Variants in UVSSA observed in about 807,000 individuals in gnomAD.
UVSSA encodes UV stimulated scaffold protein A, also known as UV-stimulated scaffold protein A.
A neutral mutation model predicts 73.9 loss-of-function variants in UVSSA; 72 were observed. The observed-to-expected ratio is 0.97, with a 90% CI of 0.81 to 1.19. UVSSA has a LOEUF of 1.19. Among genes scored for constraint, UVSSA ranks in the 50% most tolerant of loss-of-function variants. UVSSA has a pLI of 0.00. For missense variants in UVSSA, 1,150 were observed against 965.0 expected (o/e 1.19, Z -2.54); for synonymous variants, 454 against 391.3 (o/e 1.16, Z -1.89).
In UVSSA at chr4:1,386,055, C is replaced by A; in HGVS notation, c.*94C>A. 1.6e-6 allele frequency: 2 copies of A among 1,271,226 alleles called. No individual in the cohort carries two copies. The highest frequency in any genetic ancestry group is 2.3e-6 in the Non-Finnish European group (2 of 876,034). The allele number at this position is 1,271,226 out of a possible 1,614,324, so 78.7% of individuals were successfully genotyped here. ...GGCGTGGGTCTGGGCAGTAACCATG[C>A]TTTGTCTATTACTGTGTTTGATGTA... is the stretch of plus-strand genomic sequence containing the variant. On this transcript the variant is annotated 3_prime_UTR_variant, in exon 14 of 14. Coordinates refer to ENST00000389851, the MANE Select transcript of UVSSA (RefSeq NM_020894.4).
At chr4:1,354,261 A>G (rs1715293755) in intron 5 of UVSSA, among the ~76,000 whole-genome samples, 1 of 151,956 alleles carries the variant, frequency 6.6e-6, no homozygotes, top group African/African-American at 2.4e-5. Context: ...CCTGCGCCGG[A>G]CACTGAGGGT....
At chr4:1,352,946 A>C in intron 4 of UVSSA, 84 bp from the exon 5 acceptor site, 2 of 1,514,200 alleles carry the variant, frequency 1.3e-6, no homozygotes, top group South Asian at 2.6e-5. Flanking sequence ...CCCTGCGGGG[A>C]GTGGGCCTCT....
intron 7 of UVSSA, among the ~76,000 whole-genome samples, chr4:1,362,089 G>A (rs1211804961): frequency 6.6e-6 from 1 of 152,126 alleles, no homozygotes; most frequent in Non-Finnish European, 1.5e-5. Flanking sequence ...CCCTACTTCT[G>A]TGAACTGATT....
In UVSSA at chr4:1,353,281, G is replaced by C. The variant is rs765579666; in HGVS notation, c.802G>C (p.Gly268Arg). 7.4e-6 allele frequency: 12 copies of C among 1,611,062 alleles called. No individual in the cohort carries two copies. Among genetic ancestry groups the C allele is most frequent in the Non-Finnish European group, 1.0e-5 (12 of 1,179,828 alleles). ...CTCTGCAGGCCACCCCAGAGCGGGC[G>C]GCGGGGCACAGCCATCCCAGACAGC... is the stretch of plus-strand genomic sequence containing the variant. The part of the protein sequence containing the change: ...PASAGHPRAG[G>R]GAQPSQTATG... The change falls in exon 5 of 14, where the codon GGC becomes CGC. Residue 268 changes from glycine to arginine, a missense_variant. By Grantham distance (125) the Gly-to-Arg change is moderately radical. Transcript: ENST00000389851.
intron 13 of UVSSA, chr4:1,384,303 G>GTATT (rs1396795469): frequency 3.8e-6 from 1 of 263,526 alleles, no homozygotes; most frequent in Non-Finnish European, 7.2e-6. Flanking sequence ...CAGTGCCTGC[G>GTATT]TATTTCTGCA....
At chr4:1,373,478 C>G (rs141301457) in intron 8 of UVSSA, among the ~76,000 whole-genome samples, 11 of 152,286 alleles carry the variant, frequency 7.2e-5, no homozygotes, top group African/African-American at 2.6e-4. Context: ...TTGGCAACAC[C>G]CTCGCAGACA....
At chr4:1,395,632 C>G (rs1276740064) in exon 14 of UVSSA, 1 of 1,601,098 alleles carries the variant, frequency 6.2e-7, no homozygotes, top group Non-Finnish European at 8.5e-7. Flanking sequence ...GAGTGCCCGC[C>G]TGCTCACACG....
rs60289521 is a variant in UVSSA at position 1,365,172 on chromosome 4, C to G, written c.1177-1148C>G. On this transcript the variant is annotated intron_variant, in intron 7 of 13. Transcript: ENST00000389851. The stretch of plus-strand genomic sequence containing the variant: ...CACACAGAAGCCAGTACTGCAGCAG[C>G]AGCTTTTGGGAAGAGAAAGGCTTTA... 9.6e-3 allele frequency among the ~76,000 whole-genome samples: 1,468 copies of G among 152,360 alleles called. 30 individuals carry two copies. The highest frequency in any genetic ancestry group is 0.032 in the African/African-American group (1,339 of 41,584).
In UVSSA at chr4:1,351,715, G is replaced by T; in HGVS notation, c.430G>T (p.Val144Leu). The change falls in exon 4 of 14, where the codon GTG becomes TTG. Residue 144 changes from valine (V) to leucine (L), a missense_variant and splice_region_variant. By Grantham distance (32) the Val-to-Leu change is conservative. Coordinates refer to ENST00000389851, the MANE Select transcript of UVSSA (RefSeq NM_020894.4). ...GYHFLRHNKK[V>L]DFQDTNARSL... ...CTAGTCTTTATTTTCAATTGCTCAG[G>T]TGGATTTTCAAGACACGAATGCTCG... 6.2e-7 allele frequency: 1 copy of T among 1,613,020 alleles called. No individual in the cohort carries two copies.
chr4:1,351,795 T>G lies in UVSSA; in HGVS notation c.510T>G (p.Ile170Met), dbSNP rs1259220690. Residue 170 changes from isoleucine to methionine, a missense_variant, in exon 4 of 14, where the codon ATT becomes ATG. By Grantham distance (10) the Ile-to-Met change is conservative. Coordinates refer to ENST00000389851, the MANE Select transcript of UVSSA (RefSeq NM_020894.4). ...AGAAGCAGAAGCACTTGGATAAAAT[T>G]TATCAAGAAAGAGCCAGCCAGGCGG... ...EEEKQKHLDKIYQERASQAER... is the reference protein window; with the variant it reads ...EEEKQKHLDKMYQERASQAER... 4 of 1,613,522 alleles carry G rather than the reference T, an allele frequency of 2.5e-6. No individual in the cohort carries two copies. Among genetic ancestry groups the G allele is most frequent in the Middle Eastern group, 3.3e-4 (2 of 6,082 alleles).
At chr4:1,371,389 C>A (rs189765897) in intron 8 of UVSSA, among the ~76,000 whole-genome samples, 1 of 152,116 alleles carries the variant, frequency 6.6e-6, no homozygotes, top group East Asian at 1.9e-4. Flanking sequence ...ACAGTCTGGG[C>A]GGTGCTGATT....
intron 10 of UVSSA, among the ~76,000 whole-genome samples, chr4:1,378,506 G>C (rs143776114): frequency 6.6e-6 from 1 of 152,264 alleles, no homozygotes; most frequent in African/African-American, 2.4e-5. Flanking sequence ...AGCTGAGATC[G>C]CACCATCACA....
chr4:1,388,314 C>G (rs1720298156), downstream of UVSSA: 1 of 152,224 alleles, frequency 6.6e-6, no homozygotes, highest in South Asian at 2.1e-4. Flanking sequence ...GTACAACTGA[C>G]TTTTGTGTAT....
At position 1,353,031 on chromosome 4, in the gene UVSSA, A is replaced by G; in HGVS notation, c.552A>G (p.Glu184=). The G allele has an allele frequency of 6.2e-7, 1 of 1,606,464 alleles. No individual in the cohort carries two copies. Among genetic ancestry groups the G allele is most frequent in the South Asian group, 1.1e-5 (1 of 90,278 alleles). The change falls in exon 5 of 14, where the codon GAA becomes GAG. Residue 184 remains glutamate (E), a splice_region_variant and synonymous_variant. Coordinates refer to ENST00000389851, the MANE Select transcript of UVSSA (RefSeq NM_020894.4). ...ACAGGTGTCTTGATCTTCCGGCAGA[A>G]ATGTCTGGAGAAATTGAATCCTGCT... is the stretch of plus-strand genomic sequence containing the variant. ...RASQAEREMQ[E]MSGEIESCLT...
intron 7 of UVSSA, among the ~76,000 whole-genome samples, chr4:1,364,936 G>A (rs1467746055): frequency 6.6e-6 from 1 of 152,138 alleles, no homozygotes; most frequent in Non-Finnish European, 1.5e-5. Flanking sequence ...CTGCAGAGGC[G>A]GGGCTCTCAG....
chr4:1,363,571 T>C (rs892452230), intron 7 of UVSSA, among the ~76,000 whole-genome samples: 5 of 152,130 alleles, frequency 3.3e-5, no homozygotes, highest in African/African-American at 1.2e-4. Context: ...ATAAATTCTG[T>C]TTAGTGTGTG....
rs371830225 is a variant in UVSSA at position 1,376,995 on chromosome 4, G to A, written c.1568+827G>A. ...GCCAGGTGTGACACGGAATATTGCC[G>A]TCCCCACAGCACCCATTTCAAGGGC... On this transcript the variant is annotated intron_variant, in intron 10 of 13. Transcript: ENST00000389851. Among the ~76,000 whole-genome samples the A allele has an allele frequency of 7.1e-4, 108 of 152,308 alleles. 2 individuals are homozygous for A. The South Asian group carries it at 0.016, about 22-fold the overall frequency.
intron 2 of UVSSA, among the ~76,000 whole-genome samples, chr4:1,349,021 G>T (rs1037370525): frequency 1.3e-5 from 1 of 76,516 alleles, no homozygotes; most frequent in East Asian, 2.2e-4. Flanking sequence ...GGCGGTGTGC[G>T]GTTTGTGCCA....
At chr4:1,379,048 G>C (rs553901118) in intron 10 of UVSSA, among the ~76,000 whole-genome samples, 1 of 150,856 alleles carries the variant, frequency 6.6e-6, no homozygotes, top group African/African-American at 2.4e-5. Flanking sequence ...GCCTGGGGCT[G>C]TGCTCCTGTC....
Sources: gnomAD v4.1 joint callset for allele counts (sites outside exome capture counted in the v4.1 genomes callset) on GRCh38, gnomAD v4.1.1 for gene constraint, MANE v1.5 for transcripts, NCBI Gene and HGNC (gene_info 2026-07-23, HGNC 2026-07-21) for gene names.